The following CD164 variants were observed in gnomAD, a reference collection of about 807,000 sequenced individuals.
CD164 encodes CD164 molecule.
A neutral mutation model predicts 24.6 loss-of-function variants in CD164; 11 were observed. That is an observed-to-expected ratio of 0.45 (90% CI 0.28 to 0.74). The LOEUF (loss-of-function observed/expected upper bound fraction) is 0.74. Among genes scored for constraint, CD164 ranks in the 30% least tolerant of loss-of-function variants. The pLI is 0.13. For synonymous variants in CD164, 126 were observed against 100.3 expected, an observed-to-expected ratio of 1.26 and a Z score of -1.53; for missense variants, 295 against 243.7, an observed-to-expected ratio of 1.21 and a Z score of -1.40.
chr6:109,379,719 G>A (rs1771627484), intron 1 of CD164, 57 bp from the exon 2 acceptor site: 1 of 1,270,768 alleles, frequency 7.9e-7, no homozygotes, highest in African/African-American at 1.5e-5. Flanking sequence ...TATCTTATTT[G>A]AATCTGTATT....
intron 1 of CD164, chr6:109,380,273 C>T (rs2115171196): frequency 6.6e-6 from 1 of 152,342 alleles, no homozygotes; most frequent in South Asian, 2.1e-4. Flanking sequence ...AGGTATTTGT[C>T]AATAGTTCAT....
At chr6:109,380,375 G>A (rs1474386277) in intron 1 of CD164, 1 of 152,132 alleles carries the variant, frequency 6.6e-6, no homozygotes, top group Non-Finnish European at 1.5e-5. Flanking sequence ...ATTTTCCAGT[G>A]AGAAAAAGCA....
In CD164 at chr6:109,368,174, C is replaced by T. The variant is rs1025087212; in HGVS notation, c.*677G>A. 2.5e-5 allele frequency: 27 copies of T among 1,071,260 alleles called. No homozygotes were observed. The African/African-American group carries it at 3.0e-4, about 12-fold the overall frequency. The allele number at this position is 1,071,260 out of a possible 1,614,324, so 66.4% of individuals were successfully genotyped here. ...ACAAATCATAGACATTAAGCTAGAG[C>T]TTACCTTTCACTGTCTTCTAAGGCA... On this transcript the variant is annotated 3_prime_UTR_variant, in exon 6 of 6. Transcript: ENST00000310786.
intron 2 of CD164, 125 bp from the exon 3 acceptor site, chr6:109,378,096 T>G (rs761186778): frequency 9.9e-6 from 7 of 707,610 alleles, no homozygotes; most frequent in Non-Finnish European, 1.7e-5. Context: ...GGGAACCACT[T>G]TAGGTGTTTT....
At chr6:109,378,051 T>C (rs1470893220) in intron 2 of CD164, 80 bp from the exon 3 acceptor site, 6 of 1,234,382 alleles carry the variant, frequency 4.9e-6, no homozygotes, top group Admixed American at 3.5e-5. Flanking sequence ...CTAAGCTCTA[T>C]GAAATCAAAC....
chr6:109,369,146 C>G (rs552759347), intron 5 of CD164, 129 bp from the exon 6 acceptor site: 5 of 776,436 alleles, frequency 6.4e-6, no homozygotes, highest in South Asian at 1.9e-5. Context: ...GTCTTTACAG[C>G]TAGAATTTAT....
intron 2 of CD164, among the ~76,000 whole-genome samples, 179 bp downstream of exon 2, chr6:109,379,400 G>A (rs1298986736): frequency 1.3e-5 from 2 of 152,196 alleles, no homozygotes; most frequent in Non-Finnish European, 2.9e-5. Context: ...GGGAGGATGG[G>A]AGACAAAAAG....
chr6:109,370,029 T>C (rs948401052), intron 5 of CD164, among the ~76,000 whole-genome samples: 5 of 152,194 alleles, frequency 3.3e-5, no homozygotes, highest in African/African-American at 1.2e-4. Flanking sequence ...TAGACCTTTC[T>C]CAGTGAAAAG....
At chr6:109,379,482 A>G in intron 2 of CD164, 97 bp downstream of exon 2, 4 of 892,364 alleles carry the variant, frequency 4.5e-6, no homozygotes, top group Non-Finnish European at 7.0e-6. Flanking sequence ...AATAGTGCAC[A>G]ATATCCTAAA....
chr6:109,374,938 C>G (rs762523639), intron 4 of CD164, among the ~76,000 whole-genome samples: 6 of 152,180 alleles, frequency 3.9e-5, no homozygotes, highest in Non-Finnish European at 7.3e-5. Flanking sequence ...TTCATTGTTC[C>G]TACAGTAGAC....
At chr6:109,374,973 T>G (rs1771312006) in intron 4 of CD164, among the ~76,000 whole-genome samples, 1 of 152,204 alleles carries the variant, frequency 6.6e-6, no homozygotes, top group African/African-American at 2.4e-5. Context: ...ACCCTACCAT[T>G]TACCCTAGTA....
intron 3 of CD164, among the ~76,000 whole-genome samples, chr6:109,377,138 A>C (rs1324694925): frequency 1.3e-5 from 2 of 152,196 alleles, no homozygotes; most frequent in Non-Finnish European, 2.9e-5. Flanking sequence ...GTCTCAAAAA[A>C]AGTTTGTTCG....
At chr6:109,381,761 G>A (rs1252759261) in intron 1 of CD164, 1 of 572,646 alleles carries the variant, frequency 1.7e-6, no homozygotes, top group Non-Finnish European at 3.1e-6. Context: ...CCTCCGGAGA[G>A]AGGCGCCGGG....
chr6:109,370,281 CT>C, intron 5 of CD164, 129 bp downstream of exon 5: 1 of 720,906 alleles, frequency 1.4e-6, no homozygotes. Flanking sequence ...TTGATCCCCC[CT>C]AAGAGTAAGA....
At chr6:109,379,191 A>G (rs1429570574) in intron 2 of CD164, among the ~76,000 whole-genome samples, 1 of 152,218 alleles carries the variant, frequency 6.6e-6, no homozygotes, top group Non-Finnish European at 1.5e-5. Context: ...AGTGTATTAA[A>G]GTACTCTCAA....
At position 109,368,798 on chromosome 6, in the gene CD164, T is replaced by C. The variant is rs1262355357; in HGVS notation, c.*53A>G. ...ACATCTTAAAAGATAGTATTTTGGC[T>C]TCAGTGAGTTACACAAATGAATCAC... is the stretch of plus-strand genomic sequence containing the variant. On this transcript the variant is annotated 3_prime_UTR_variant, in exon 6 of 6. Transcript: ENST00000310786. 4.5e-6 allele frequency: 7 copies of C among 1,559,994 alleles called. No homozygotes were observed. Among genetic ancestry groups the C allele is most frequent in the African/African-American group, 1.4e-5 (1 of 72,132 alleles).
chr6:109,378,149 T>C (rs926436109), intron 2 of CD164, among the ~76,000 whole-genome samples, 178 bp from the exon 3 acceptor site: 4 of 152,204 alleles, frequency 2.6e-5, no homozygotes, highest in Admixed American at 2.6e-4. Flanking sequence ...TCATTCTCCT[T>C]TTCCCACTGA....
chr6:109,376,877 T>C (rs1010322929), intron 3 of CD164, among the ~76,000 whole-genome samples: 8 of 152,236 alleles, frequency 5.3e-5, no homozygotes, highest in African/African-American at 1.9e-4. Flanking sequence ...AGCTCAAGCA[T>C]GTAATTCCAG....
At position 109,375,017 on chromosome 6, in the gene CD164, A is replaced by G. The variant is rs1007249225; in HGVS notation, c.370+1057T>C. Among the ~76,000 whole-genome samples, 4 of 152,336 alleles carry G rather than the reference A, an allele frequency of 2.6e-5. No homozygotes were observed. In the South Asian group the frequency reaches 6.2e-4, roughly 24 times the overall value. On this transcript the variant is annotated intron_variant, in intron 4 of 5. Coordinates refer to ENST00000310786, the MANE Select transcript of CD164 (RefSeq NM_006016.6). ...GGAATAGACGCATTTAATATTGGTA[A>G]AATGTTAAGTATTTAATATTTACTC...
Sources: gnomAD v4.1 joint callset for allele counts (sites outside exome capture counted in the v4.1 genomes callset) on GRCh38, gnomAD v4.1.1 for gene constraint, MANE v1.5 for transcripts, NCBI Gene and HGNC (gene_info 2026-07-23, HGNC 2026-07-21) for gene names.